The following DAP variants were observed in gnomAD, a reference collection of about 807,000 sequenced individuals.
DAP encodes the protein death associated protein.
Under a neutral mutation model 13.8 loss-of-function variants are expected in DAP, and 8 were observed. That is an observed-to-expected ratio of 0.58 (90% CI 0.34 to 1.05). The LOEUF (loss-of-function observed/expected upper bound fraction) is 1.05. DAP is among the 50% of genes least tolerant of loss of function. The probability of loss-of-function intolerance (pLI) is 0.03; values close to 1 mark genes in which losing one functional copy is unlikely to be tolerated. For synonymous variants in DAP, 47 were observed against 47.5 expected (o/e 0.99, Z 0.04); for missense variants, 106 against 133.2 (o/e 0.80, Z 1.01).
At chr5:10,689,465 G>A (rs1738244154) in intron 2 of DAP, among the ~76,000 whole-genome samples, 1 of 152,200 alleles carries the variant, frequency 6.6e-6, no homozygotes, top group Non-Finnish European at 1.5e-5. Flanking sequence ...CACAGATGGC[G>A]CTGTCCTTGT....
chr5:10,727,086 T>C (rs1412231721), intron 2 of DAP, among the ~76,000 whole-genome samples: 1 of 152,244 alleles, frequency 6.6e-6, no homozygotes, highest in Non-Finnish European at 1.5e-5. Flanking sequence ...GTAAGCTGTA[T>C]TGTCCTAAAA....
In DAP at chr5:10,725,866, T is replaced by C. The variant is rs535442544; in HGVS notation, c.152+22309A>G. ...TGCCATTAGTCTTTCTCAGTAGATA[T>C]ACCTGACCACAAAAGAGAGTCCCAC... On this transcript the variant is annotated intron_variant, in intron 2 of 3. Coordinates refer to ENST00000230895, the MANE Select transcript of DAP (RefSeq NM_004394.3). Among the ~76,000 whole-genome samples the C allele has an allele frequency of 3.1e-3, 467 of 152,340 alleles. 3 individuals are homozygous for C. The highest frequency in any genetic ancestry group is 0.014 in the Middle Eastern group (4 of 292).
chr5:10,687,069 G>A (rs1181242379), intron 2 of DAP, among the ~76,000 whole-genome samples: 1 of 152,174 alleles, frequency 6.6e-6, no homozygotes, highest in Non-Finnish European at 1.5e-5. Context: ...CTATACATGG[G>A]ATGACAGAGC....
chr5:10,759,741 A>C (rs1252507239), intron 1 of DAP, among the ~76,000 whole-genome samples: 2 of 121,082 alleles, frequency 1.7e-5, no homozygotes, highest in Admixed American at 1.1e-4. Flanking sequence ...GGATAATGGG[A>C]ATCTTTTTTT....
chr5:10,747,605 T>C (rs1739938559), intron 2 of DAP, among the ~76,000 whole-genome samples: 1 of 152,220 alleles, frequency 6.6e-6, no homozygotes, highest in Non-Finnish European at 1.5e-5. Context: ...TCCATGTGAT[T>C]TCAGTATGGA....
intron 2 of DAP, among the ~76,000 whole-genome samples, chr5:10,741,033 T>A (rs1279280340): frequency 6.6e-6 from 1 of 152,178 alleles, no homozygotes; most frequent in East Asian, 1.9e-4. Context: ...AAGTCTATGT[T>A]TAGTGATGTC....
At chr5:10,719,658 A>G (rs766829651) in intron 2 of DAP, among the ~76,000 whole-genome samples, 4 of 152,236 alleles carry the variant, frequency 2.6e-5, no homozygotes, top group Non-Finnish European at 5.9e-5. Flanking sequence ...GCACAGCAGC[A>G]TTCCATCATC....
chr5:10,722,573 C>CAT (rs1156741195), intron 2 of DAP, among the ~76,000 whole-genome samples: 2 of 146,056 alleles, frequency 1.4e-5, no homozygotes, highest in Non-Finnish European at 3.0e-5. Context: ...TATATACATA[C>CAT]ATACATATAT....
chr5:10,700,733 C>G (rs1232142384), intron 2 of DAP, among the ~76,000 whole-genome samples: 1 of 152,198 alleles, frequency 6.6e-6, no homozygotes, highest in Non-Finnish European at 1.5e-5. Context: ...ATGGGGCCGG[C>G]CTTGCTGCGG....
intron 1 of DAP, among the ~76,000 whole-genome samples, chr5:10,760,412 T>C (rs1740311966): frequency 6.6e-6 from 1 of 152,186 alleles, no homozygotes; most frequent in African/African-American, 2.4e-5. Flanking sequence ...GACCGCTCTT[T>C]CCTGGCTTTA....
intron 2 of DAP, among the ~76,000 whole-genome samples, chr5:10,715,002 C>T (rs1414237738): frequency 6.6e-6 from 1 of 152,216 alleles, no homozygotes; most frequent in African/African-American, 2.4e-5. Flanking sequence ...TCAGGTATTC[C>T]CAGGTATTTG....
intron 2 of DAP, among the ~76,000 whole-genome samples, chr5:10,743,696 TTTATC>T (rs1369476983): frequency 6.6e-6 from 1 of 152,214 alleles, no homozygotes; most frequent in Non-Finnish European, 1.5e-5. Context: ...AACTGGCTAC[TTTATC>T]TTATGACACT....
intron 2 of DAP, among the ~76,000 whole-genome samples, chr5:10,746,589 C>CA (rs1313659645): frequency 1.3e-5 from 2 of 152,154 alleles, no homozygotes; most frequent in African/African-American, 4.8e-5. Flanking sequence ...CTCGGCCTCC[C>CA]AAAGTGCTGG....
At chr5:10,752,482 G>A (rs1032108030) in intron 1 of DAP, among the ~76,000 whole-genome samples, 2 of 152,192 alleles carry the variant, frequency 1.3e-5, no homozygotes, top group Admixed American at 1.3e-4. Context: ...GTATTTTTAG[G>A]AGAAACAGAA....
chr5:10,709,156 T>G (rs1158837441), intron 2 of DAP, among the ~76,000 whole-genome samples: 1 of 152,230 alleles, frequency 6.6e-6, no homozygotes, highest in African/African-American at 2.4e-5. Context: ...TAATCTGGAT[T>G]TTTAAAAAGC....
Position 10,680,818 on chromosome 5 carries a change from A to C in DAP, c.*238T>G. ...GATCTTGGCAAATTCTGCTAATGGC[A>C]CCTCTAGGGGCACAATGATCCTCAA... is the stretch of plus-strand genomic sequence containing the variant. On this transcript the variant is annotated 3_prime_UTR_variant, in exon 4 of 4. Coordinates refer to ENST00000230895, the MANE Select transcript of DAP (RefSeq NM_004394.3). 6.5e-7 allele frequency: 1 copy of C among 1,536,792 alleles called. No individual in the cohort carries two copies. The highest frequency in any genetic ancestry group is 8.7e-7 in the Non-Finnish European group (1 of 1,147,022).
In DAP at chr5:10,753,003, C is replaced by T. The variant is rs753027557; in HGVS notation, c.56-4732G>A. ...CTCTTCACAGCAGTTCCTTAAAGAG[C>T]GCTGCCCTACGGGTTGCTGGGGAAT... On this transcript the variant is annotated intron_variant, in intron 1 of 3. Coordinates refer to ENST00000230895, the MANE Select transcript of DAP (RefSeq NM_004394.3). Among the ~76,000 whole-genome samples the T allele has an allele frequency of 6.6e-5, 10 of 152,186 alleles. No homozygotes were observed. In the South Asian group the frequency reaches 8.3e-4, roughly 13 times the overall value.
At chr5:10,725,380 G>C (rs559875104) in intron 2 of DAP, among the ~76,000 whole-genome samples, 1 of 152,202 alleles carries the variant, frequency 6.6e-6, no homozygotes, top group African/African-American at 2.4e-5. Flanking sequence ...GCTGGGCCAG[G>C]GGTTTCTGAG....
chr5:10,733,094 G>A (rs1739506979), intron 2 of DAP, among the ~76,000 whole-genome samples: 1 of 151,596 alleles, frequency 6.6e-6, no homozygotes, highest in Non-Finnish European at 1.5e-5. Flanking sequence ...TGACCTCCAG[G>A]TTCCCCCATG....
Sources: gnomAD v4.1 joint callset for allele counts (sites outside exome capture counted in the v4.1 genomes callset) on GRCh38, gnomAD v4.1.1 for gene constraint, MANE v1.5 for transcripts, NCBI Gene and HGNC (gene_info 2026-07-23, HGNC 2026-07-21) for gene names.